Variants in LRRC4C observed in about 807,000 individuals in gnomAD.
LRRC4C encodes leucine rich repeat containing 4C.
In LRRC4C, 5 loss-of-function variants were observed where a neutral mutation model predicts 33.6. That is an observed-to-expected ratio of 0.15 (90% CI 0.08 to 0.31). LRRC4C has a LOEUF of 0.31. Ranked by LOEUF, LRRC4C falls within the 10% of genes least tolerant of loss-of-function variation. The pLI, the probability that LRRC4C is intolerant of heterozygous loss-of-function variation, is 1.00. For synonymous variants in LRRC4C, 329 were observed against 302.0 expected (o/e 1.09, Z -0.93); for missense variants, 560 against 796.7 (o/e 0.70, Z 3.58).
chr11:40,341,113 G>C (rs979326140), intron 3 of LRRC4C, among the ~76,000 whole-genome samples: 1 of 152,152 alleles, frequency 6.6e-6, no homozygotes, highest in African/African-American at 2.4e-5. Flanking sequence ...ACCCTAAAAC[G>C]AAGTGATGTT....
intron 2 of LRRC4C, among the ~76,000 whole-genome samples, chr11:40,736,923 G>T (rs2136858931): frequency 6.7e-6 from 1 of 148,668 alleles, no homozygotes; most frequent in Non-Finnish European, 1.5e-5. Flanking sequence ...GCATGTTGTA[G>T]ATTCTGGATA....
intron 1 of LRRC4C, among the ~76,000 whole-genome samples, chr11:41,158,989 G>A (rs10430984): frequency 6.6e-6 from 1 of 152,050 alleles, no homozygotes; most frequent in Non-Finnish European, 1.5e-5. Context: ...ATTCCTGCAA[G>A]TTAAAACTCA....
chr11:40,660,542 A>G (rs575822660), intron 2 of LRRC4C, among the ~76,000 whole-genome samples: 1 of 152,332 alleles, frequency 6.6e-6, no homozygotes, highest in South Asian at 2.1e-4. Context: ...CATTCTAATG[A>G]GAGGCCAAAT....
chr11:41,200,383 C>A (rs1032966544), intron 1 of LRRC4C, among the ~76,000 whole-genome samples: 1 of 152,158 alleles, frequency 6.6e-6, no homozygotes, highest in Non-Finnish European at 1.5e-5. Flanking sequence ...CAAATCCTAG[C>A]AACTTCTGTC....
chr11:40,190,447 A>G (rs1861743274), intron 5 of LRRC4C, among the ~76,000 whole-genome samples: 1 of 152,148 alleles, frequency 6.6e-6, no homozygotes. Context: ...CCGAAGGACA[A>G]ATTATGTCCT....
At chr11:40,384,733 C>CTTTCT (rs1949037783) in intron 3 of LRRC4C, among the ~76,000 whole-genome samples, 1 of 152,070 alleles carries the variant, frequency 6.6e-6, no homozygotes, top group Non-Finnish European at 1.5e-5. Flanking sequence ...TATTCTCCAC[C>CTTTCT]TTTCTTTTCT....
At chr11:40,441,006 A>T (rs1320152628) in intron 3 of LRRC4C, among the ~76,000 whole-genome samples, 1 of 152,186 alleles carries the variant, frequency 6.6e-6, no homozygotes, top group Non-Finnish European at 1.5e-5. Flanking sequence ...TAAACTATGC[A>T]TCAAAAGGAA....
intron 1 of LRRC4C, among the ~76,000 whole-genome samples, chr11:40,937,089 A>G (rs1288065689): frequency 6.6e-6 from 1 of 152,224 alleles, no homozygotes; most frequent in Non-Finnish European, 1.5e-5. Context: ...GGCAGATTGG[A>G]TAAAGAAAAT....
At chr11:40,336,938 C>G (rs908722928) in intron 3 of LRRC4C, among the ~76,000 whole-genome samples, 7 of 132,686 alleles carry the variant, frequency 5.3e-5, no homozygotes, top group Non-Finnish European at 9.2e-5. Flanking sequence ...GATTGCACCA[C>G]TGCACTCCAG....
At chr11:41,290,217 T>C (rs1591171860) in intron 1 of LRRC4C, among the ~76,000 whole-genome samples, 1 of 152,206 alleles carries the variant, frequency 6.6e-6, no homozygotes, top group African/African-American at 2.4e-5. Context: ...TGATGTAGTA[T>C]GGTCTCAAAG....
intron 1 of LRRC4C, among the ~76,000 whole-genome samples, chr11:40,964,998 T>C (rs552268165): frequency 6.6e-6 from 1 of 151,896 alleles, no homozygotes; most frequent in Admixed American, 6.6e-5. Flanking sequence ...CAGTGTAAAA[T>C]TGTTCCTATT....
chr11:41,154,117 G>T (rs1487507964), intron 1 of LRRC4C, among the ~76,000 whole-genome samples: 1 of 152,122 alleles, frequency 6.6e-6, no homozygotes, highest in Non-Finnish European at 1.5e-5. Flanking sequence ...AATTTCTGTT[G>T]TTTCAAGAAA....
intron 2 of LRRC4C, among the ~76,000 whole-genome samples, chr11:40,906,742 T>G (rs1347818482): frequency 6.6e-6 from 1 of 152,192 alleles, no homozygotes; most frequent in East Asian, 1.9e-4. Context: ...GTATTTACAA[T>G]AAATTCACAT....
intron 3 of LRRC4C, among the ~76,000 whole-genome samples, chr11:40,344,423 T>G (rs961479457): frequency 6.6e-6 from 1 of 152,172 alleles, no homozygotes; most frequent in African/African-American, 2.4e-5. Context: ...TCTCAATAGA[T>G]GCAGAAAAAG....
intron 4 of LRRC4C, among the ~76,000 whole-genome samples, chr11:40,290,300 C>CA (rs1944105420): frequency 6.6e-6 from 1 of 151,804 alleles, no homozygotes; most frequent in African/African-American, 2.4e-5. Flanking sequence ...CAAACGAATG[C>CA]AAAAAAAGTG....
chr11:40,539,293 C>T (rs1956606221), intron 3 of LRRC4C, among the ~76,000 whole-genome samples: 1 of 152,120 alleles, frequency 6.6e-6, no homozygotes, highest in South Asian at 2.1e-4. Flanking sequence ...ACTGCTTGGA[C>T]ATGTAAAATT....
At chr11:40,792,533 TTGG>T (rs1950668588) in intron 2 of LRRC4C, among the ~76,000 whole-genome samples, 1 of 152,214 alleles carries the variant, frequency 6.6e-6, no homozygotes, top group Non-Finnish European at 1.5e-5. Context: ...TTTTACACTG[TTGG>T]TGGGACTATA....
At chr11:40,443,342 C>T (rs1219738235) in intron 3 of LRRC4C, among the ~76,000 whole-genome samples, 2 of 152,162 alleles carry the variant, frequency 1.3e-5, no homozygotes, top group Non-Finnish European at 2.9e-5. Flanking sequence ...ATTGCTATTA[C>T]AAATATAGAC....
chr11:40,619,812 T>C (rs1287281768), intron 3 of LRRC4C, among the ~76,000 whole-genome samples: 1 of 151,550 alleles, frequency 6.6e-6, no homozygotes, highest in East Asian at 1.9e-4. Flanking sequence ...TTTATTTAAC[T>C]TGGCTTCTTC....
Sources: gnomAD v4.1 joint callset for allele counts (sites outside exome capture counted in the v4.1 genomes callset) on GRCh38, gnomAD v4.1.1 for gene constraint, MANE v1.5 for transcripts, NCBI Gene and HGNC (gene_info 2026-07-23, HGNC 2026-07-21) for gene names.